Variants in RGS5 observed in about 807,000 individuals in gnomAD.
RGS5 encodes the protein regulator of G protein signaling 5.
Under a neutral mutation model 18.9 loss-of-function variants are expected in RGS5, and 20 were observed. That is an observed-to-expected ratio of 1.06 (90% CI 0.74 to 1.54). RGS5 has a LOEUF of 1.54. RGS5 is among the 40% of genes most tolerant of loss of function. RGS5 has a pLI of 0.00. For missense variants in RGS5, 201 were observed against 211.8 expected, an observed-to-expected ratio of 0.95 and a Z score of 0.32; for synonymous variants, 57 against 76.2, an observed-to-expected ratio of 0.75 and a Z score of 1.31.
intron 1 of RGS5, among the ~76,000 whole-genome samples, chr1:163,317,350 CTTGT>C (rs1373260284): frequency 6.6e-6 from 1 of 152,168 alleles, no homozygotes; most frequent in African/African-American, 2.4e-5. Flanking sequence ...TTCACCAAAG[CTTGT>C]TTAAGAAACT....
At chr1:163,226,263 C>G (rs577199818) in intron 2 of RGS5, among the ~76,000 whole-genome samples, 1 of 152,036 alleles carries the variant, frequency 6.6e-6, no homozygotes, top group African/African-American at 2.4e-5. Context: ...GGATTTAATA[C>G]GAAAAACTGT....
intron 3 of RGS5, among the ~76,000 whole-genome samples, chr1:163,157,719 G>GAA (rs1553212837): frequency 7.9e-5 from 12 of 151,460 alleles, no homozygotes; most frequent in Non-Finnish European, 1.2e-4. Flanking sequence ...AAAAAGAGAT[G>GAA]GTGGTTTGTC....
chr1:163,304,322 G>A (rs1161745825), intron 2 of RGS5: 1 of 152,186 alleles, frequency 6.6e-6, no homozygotes, highest in Non-Finnish European at 1.5e-5. Context: ...AGGCTTCTTT[G>A]CTTGCAAGGC....
chr1:163,148,116 G>A (rs1268762805), intron 4 of RGS5, among the ~76,000 whole-genome samples: 1 of 151,686 alleles, frequency 6.6e-6, no homozygotes. Context: ...TGATAGAGAC[G>A]GGGTTTTGCC....
intron 2 of RGS5, among the ~76,000 whole-genome samples, chr1:163,291,610 CA>C (rs1470026485): frequency 1.3e-5 from 2 of 152,114 alleles, no homozygotes; most frequent in African/African-American, 2.4e-5. Context: ...GATAGCATTT[CA>C]GTTTTTTTGC....
At chr1:163,232,615 C>T (rs1402935586) in intron 2 of RGS5, among the ~76,000 whole-genome samples, 1 of 152,082 alleles carries the variant, frequency 6.6e-6, no homozygotes, top group South Asian at 2.1e-4. Flanking sequence ...AGGTACAGAA[C>T]CCTGTCTCTT....
chr1:163,286,082 C>T (rs547020998), intron 2 of RGS5, among the ~76,000 whole-genome samples: 14 of 151,756 alleles, frequency 9.2e-5, no homozygotes, highest in African/African-American at 3.1e-4. Flanking sequence ...ATGTGTTCCG[C>T]GTCTGGGGAT....
chr1:163,177,259 G>T (rs988947445), intron 1 of RGS5, among the ~76,000 whole-genome samples: 3 of 152,150 alleles, frequency 2.0e-5, no homozygotes, highest in African/African-American at 7.2e-5. Flanking sequence ...CCTCTATCCA[G>T]ACATTGATGC....
chr1:163,312,811 T>G (rs1395321158), intron 1 of RGS5, among the ~76,000 whole-genome samples: 2 of 152,216 alleles, frequency 1.3e-5, no homozygotes, highest in Non-Finnish European at 2.9e-5. Flanking sequence ...AACTTTTGGT[T>G]GTGAAAACAC....
chr1:163,296,068 T>TCTTA (rs1387504358), intron 2 of RGS5, among the ~76,000 whole-genome samples: 2 of 152,192 alleles, frequency 1.3e-5, no homozygotes, highest in Admixed American at 6.5e-5. Context: ...ATCTGATATT[T>TCTTA]CTTATTACAG....
intron 2 of RGS5, among the ~76,000 whole-genome samples, chr1:163,225,600 ACACT>A (rs1287170342): frequency 6.6e-6 from 1 of 151,906 alleles, no homozygotes; most frequent in Non-Finnish European, 1.5e-5. Context: ...CACCCCACAC[ACACT>A]CACATATCAC....
At chr1:163,190,635 G>A (rs1212332756) in intron 1 of RGS5, among the ~76,000 whole-genome samples, 1 of 152,202 alleles carries the variant, frequency 6.6e-6, no homozygotes, top group African/African-American at 2.4e-5. Context: ...CAGTTACTTG[G>A]TTTGTGGACA....
chr1:163,152,893 G>A (rs770688099), intron 3 of RGS5, among the ~76,000 whole-genome samples, 177 bp from the exon 4 acceptor site: 2 of 152,144 alleles, frequency 1.3e-5, no homozygotes, highest in Non-Finnish European at 2.9e-5. Context: ...GACAGAGATG[G>A]AAGATAGACA....
At chr1:163,236,690 G>C (rs145138653) in intron 2 of RGS5, among the ~76,000 whole-genome samples, 2 of 152,208 alleles carry the variant, frequency 1.3e-5, no homozygotes, top group Non-Finnish European at 2.9e-5. Flanking sequence ...TGGGCCAGGC[G>C]CAGTGGCTCA....
At chr1:163,224,701 TTTG>T (rs1229217735) in intron 2 of RGS5, among the ~76,000 whole-genome samples, 4 of 152,186 alleles carry the variant, frequency 2.6e-5, no homozygotes, top group African/African-American at 4.8e-5. Flanking sequence ...CTCACCAGCA[TTTG>T]TTATTTTTTA....
At chr1:163,289,931 G>A (rs1649236874) in intron 2 of RGS5, among the ~76,000 whole-genome samples, 1 of 152,194 alleles carries the variant, frequency 6.6e-6, no homozygotes, top group Non-Finnish European at 1.5e-5. Context: ...ATAGGTAAAT[G>A]CTGGCAGCTA....
At chr1:163,228,155 G>A (rs1288091006) in intron 2 of RGS5, among the ~76,000 whole-genome samples, 5 of 152,204 alleles carry the variant, frequency 3.3e-5, no homozygotes, top group African/African-American at 1.2e-4. Context: ...CAGTCCCCCT[G>A]TGGGACTCTG....
intron 3 of RGS5, among the ~76,000 whole-genome samples, chr1:163,155,345 T>A (rs1472768557): frequency 6.6e-6 from 1 of 152,188 alleles, no homozygotes; most frequent in East Asian, 1.9e-4. Flanking sequence ...CAAAATAACT[T>A]TTCTGTGCAG....
chr1:163,236,513 T>C lies in RGS5; in HGVS notation c.-280-68145A>G, dbSNP rs550617044. On this transcript the variant is annotated intron_variant, in intron 2 of 5. Transcript: ENST00000618415. The stretch of plus-strand genomic sequence containing the variant: ...CACAGTGCAAATTCTGCATAACTAC[T>C]GGCTTTGCCTAGTTCCAAACCTTCT... 8.5e-5 allele frequency among the ~76,000 whole-genome samples: 13 copies of C among 152,306 alleles called. 1 individual carries two copies. The South Asian group carries it at 2.7e-3, about 32-fold the overall frequency.
Sources: allele counts gnomAD v4.1 joint callset (sites outside exome capture counted in the v4.1 genomes callset), GRCh38; gene constraint gnomAD v4.1.1; transcripts MANE v1.5; gene names NCBI Gene and HGNC (gene_info 2026-07-23, HGNC 2026-07-21).